GRM5: variants seen among roughly 807,000 people sequenced by gnomAD.
GRM5 encodes the protein metabotropic glutamate receptor 5.
In GRM5, 19 loss-of-function variants were observed where a neutral mutation model predicts 83.1. The observed-to-expected ratio is 0.23, with a 90% CI of 0.16 to 0.34. GRM5 has a LOEUF of 0.34. Among genes scored for constraint, GRM5 ranks in the 10% least tolerant of loss-of-function variants. The pLI is 1.00. For synonymous variants in GRM5, 675 were observed against 633.6 expected (o/e 1.07, Z -0.98); for missense variants, 1,160 against 1,588.3 (o/e 0.73, Z 4.58).
At chr11:88,570,571 A>ATATATATTTTTTT (rs1405339448) in intron 7 of GRM5, among the ~76,000 whole-genome samples, 1 of 46,376 alleles carries the variant, frequency 2.2e-5, no homozygotes, top group African/African-American at 1.3e-4. Flanking sequence ...ATATATATAT[A>ATATATATTTTTTT]TTTTTTTTTT....
chr11:88,868,780 C>A (rs1944713281), intron 2 of GRM5, among the ~76,000 whole-genome samples: 1 of 151,736 alleles, frequency 6.6e-6, no homozygotes, highest in East Asian at 1.9e-4. Context: ...AAAACATGGT[C>A]CTTGTCTCTA....
chr11:88,879,550 A>T (rs926415936), intron 2 of GRM5, among the ~76,000 whole-genome samples: 1 of 152,034 alleles, frequency 6.6e-6, no homozygotes, highest in African/African-American at 2.4e-5. Flanking sequence ...TACACACATT[A>T]AAAAAGCTGG....
At chr11:88,716,239 T>C (rs567400577) in intron 3 of GRM5, among the ~76,000 whole-genome samples, 2 of 152,012 alleles carry the variant, frequency 1.3e-5, no homozygotes, top group African/African-American at 4.8e-5. Context: ...GCATGGATTA[T>C]GTTGGAGGGG....
intron 4 of GRM5, among the ~76,000 whole-genome samples, chr11:88,636,236 G>T (rs1475229298): frequency 1.3e-5 from 2 of 152,196 alleles, no homozygotes; most frequent in Non-Finnish European, 2.9e-5. Flanking sequence ...ATTCTGCCAG[G>T]CACGGTGGCT....
intron 3 of GRM5, among the ~76,000 whole-genome samples, chr11:88,691,834 C>T (rs573723757): frequency 5.9e-5 from 9 of 152,236 alleles, no homozygotes; most frequent in South Asian, 2.1e-4. Context: ...ACAAGGAATA[C>T]GACAACAATC....
intron 3 of GRM5, among the ~76,000 whole-genome samples, chr11:88,673,476 C>A (rs1940243280): frequency 6.6e-6 from 1 of 151,806 alleles, no homozygotes; most frequent in Non-Finnish European, 1.5e-5. Context: ...GTCACAAATG[C>A]AGTTACACAT....
At position 88,804,712 on chromosome 11, in the gene GRM5, AAAAC is replaced by A. The variant is rs564949459; in HGVS notation, c.911+45190_911+45193del. Among the ~76,000 whole-genome samples the A allele has an allele frequency of 1.2e-3, 178 of 152,222 alleles. 1 individual carries two copies. The South Asian group carries it at 0.024, about 20-fold the overall frequency. ...AATAATAAAATAAAATAAAAAAACA[AAAAC>A]AAACAAACAAAACAAATACTGCAGG... On this transcript the variant is annotated intron_variant, in intron 3 of 9. Coordinates refer to ENST00000305447, the MANE Select transcript of GRM5 (RefSeq NM_001143831.3).
chr11:88,844,966 A>C (rs1185228957), intron 3 of GRM5, among the ~76,000 whole-genome samples: 1 of 152,232 alleles, frequency 6.6e-6, no homozygotes, highest in Admixed American at 6.5e-5. Flanking sequence ...TACTCTGGTG[A>C]AGTTGCTATA....
chr11:88,702,690 G>GT (rs1269565987), intron 3 of GRM5, among the ~76,000 whole-genome samples: 1 of 152,110 alleles, frequency 6.6e-6, no homozygotes, highest in Non-Finnish European at 1.5e-5. Flanking sequence ...ACCTTAGAAT[G>GT]TAATCATATA....
intron 8 of GRM5, among the ~76,000 whole-genome samples, chr11:88,555,869 A>G (rs1248585798): frequency 6.6e-6 from 1 of 152,134 alleles, no homozygotes; most frequent in Non-Finnish European, 1.5e-5. Flanking sequence ...GTGATTTATC[A>G]TTTAGTTTCT....
intron 1 of GRM5, among the ~76,000 whole-genome samples, chr11:89,049,589 C>A (rs895634027): frequency 4.6e-5 from 7 of 152,196 alleles, no homozygotes; most frequent in African/African-American, 1.7e-4. Flanking sequence ...ATGAATGTAA[C>A]TTGAATCATG....
chr11:88,795,340 A>G (rs1943256913), intron 3 of GRM5, among the ~76,000 whole-genome samples: 1 of 152,236 alleles, frequency 6.6e-6, no homozygotes, highest in Non-Finnish European at 1.5e-5. Context: ...TGGCTACCCA[A>G]GGCCAAGGAG....
chr11:88,949,069 G>A (rs1938373495), intron 2 of GRM5, among the ~76,000 whole-genome samples: 1 of 152,192 alleles, frequency 6.6e-6, no homozygotes, highest in Admixed American at 6.5e-5. Flanking sequence ...TTGATGTGCA[G>A]ATACTTGATT....
chr11:88,984,585 T>C (rs1194219149), intron 2 of GRM5: 6 of 450,586 alleles, frequency 1.3e-5, no homozygotes, highest in Admixed American at 4.1e-5. Context: ...ATATCTTTAT[T>C]ATCTTAACTC....
intron 3 of GRM5, among the ~76,000 whole-genome samples, chr11:88,696,183 G>GCT (rs970616753): frequency 2.6e-5 from 4 of 151,990 alleles, no homozygotes; most frequent in African/African-American, 9.7e-5. Flanking sequence ...CAGCGGTAGG[G>GCT]CTCTCCTCCC....
At chr11:89,044,214 T>A (rs1387079280) in intron 2 of GRM5, among the ~76,000 whole-genome samples, 2 of 152,202 alleles carry the variant, frequency 1.3e-5, no homozygotes, top group South Asian at 4.1e-4. Context: ...TTCTGAGTCA[T>A]TGCATATTCC....
intron 3 of GRM5, among the ~76,000 whole-genome samples, chr11:88,702,811 C>G (rs10741499): frequency 0.62 from 93,920 of 151,854 alleles, 30,607 homozygotes; most frequent in South Asian, 0.81. Flanking sequence ...ACCAGGGGCA[C>G]CATGCACAGA....
intron 3 of GRM5, among the ~76,000 whole-genome samples, chr11:88,690,699 C>T (rs1446791476): frequency 1.3e-5 from 2 of 152,128 alleles, no homozygotes; most frequent in Non-Finnish European, 2.9e-5. Flanking sequence ...TCACTTCAGT[C>T]ACAGACAGAT....
At chr11:88,837,283 T>C (rs1944110072) in intron 3 of GRM5, among the ~76,000 whole-genome samples, 1 of 152,234 alleles carries the variant, frequency 6.6e-6, no homozygotes, top group South Asian at 2.1e-4. Flanking sequence ...TGGTTTAGGA[T>C]ACAGGTTATC....
Sources: gnomAD v4.1 joint callset for allele counts (sites outside exome capture counted in the v4.1 genomes callset) on GRCh38, gnomAD v4.1.1 for gene constraint, MANE v1.5 for transcripts, NCBI Gene and HGNC (gene_info 2026-07-23, HGNC 2026-07-21) for gene names.